The following GSAP variants were observed in gnomAD, a reference collection of about 807,000 sequenced individuals.
The protein encoded by GSAP is gamma-secretase activating protein, also known as gamma-secretase-activating protein.
Under a neutral mutation model 131.7 loss-of-function variants are expected in GSAP, and 118 were observed. That is an observed-to-expected ratio of 0.90 (90% confidence interval 0.77 to 1.04). The LOEUF (loss-of-function observed/expected upper bound fraction) is 1.04, where lower values mean the gene tolerates loss of function less well. Among genes scored for constraint, GSAP ranks in the 50% least tolerant of loss-of-function variants. The probability of loss-of-function intolerance (pLI) is 0.00; values close to 1 mark genes in which losing one functional copy is unlikely to be tolerated. For synonymous variants in GSAP, 381 were observed against 363.4 expected, an observed-to-expected ratio of 1.05 and a Z score of -0.55; for missense variants, 1,019 against 1,013.2, an observed-to-expected ratio of 1.01 and a Z score of -0.08.
Position 77,311,023 on chromosome 7 carries a change from T to A in GSAP, c.*335A>T. 5.1e-6 allele frequency: 1 copy of A among 194,566 alleles called. No homozygotes were observed. Among genetic ancestry groups the A allele is most frequent in the Non-Finnish European group, 1.1e-5 (1 of 94,674 alleles). The allele number at this position is 194,566 out of a possible 1,614,324, so 12.1% of individuals were successfully genotyped here. A position where few individuals can be genotyped will look rare whatever the true frequency, so the allele number is the denominator to read the frequency against. ...CTAGTTTTTGCTTTTCTAAGCACTGTTCCCTACATTTTTAAAGCATATTTT... is the reference window on the plus strand; with the variant it reads ...CTAGTTTTTGCTTTTCTAAGCACTGATCCCTACATTTTTAAAGCATATTTT... On this transcript the variant is annotated 3_prime_UTR_variant, in exon 31 of 31. Coordinates refer to ENST00000257626, the MANE Select transcript of GSAP (RefSeq NM_017439.4).
At chr7:77,376,559 A>AG (rs1796893838) in intron 10 of GSAP, among the ~76,000 whole-genome samples, 1 of 152,076 alleles carries the variant, frequency 6.6e-6, no homozygotes. Context: ...GTGGATCACG[A>AG]GGTAAGGAGA....
chr7:77,413,115 A>G (rs1404830859), intron 1 of GSAP, among the ~76,000 whole-genome samples: 2 of 152,226 alleles, frequency 1.3e-5, no homozygotes, highest in Non-Finnish European at 2.9e-5. Context: ...AGTACCCAGT[A>G]TGTTCATCAG....
intron 19 of GSAP, among the ~76,000 whole-genome samples, chr7:77,335,618 C>T (rs1335798334): frequency 6.6e-6 from 1 of 151,464 alleles, no homozygotes; most frequent in Non-Finnish European, 1.5e-5. Flanking sequence ...ATTTGGATTG[C>T]CAATTGATCC....
chr7:77,403,907 T>A (rs1324992538), intron 3 of GSAP, among the ~76,000 whole-genome samples: 1 of 152,194 alleles, frequency 6.6e-6, no homozygotes, highest in African/African-American at 2.4e-5. Context: ...AAAATAAAGT[T>A]GGTATTCCCA....
chr7:77,373,942 C>T (rs527409470), intron 12 of GSAP, 128 bp downstream of exon 12: 333 of 663,464 alleles, frequency 5.0e-4, no homozygotes, highest in Admixed American at 4.5e-4. Flanking sequence ...ACATGACAAT[C>T]CATATGATCA....
chr7:77,403,689 C>T (rs1255076278), intron 3 of GSAP, among the ~76,000 whole-genome samples: 1 of 152,088 alleles, frequency 6.6e-6, no homozygotes, highest in Non-Finnish European at 1.5e-5. Context: ...CCTGGGAGTA[C>T]ACAAATCTCA....
At chr7:77,397,918 C>G (rs1240601035) in intron 3 of GSAP, among the ~76,000 whole-genome samples, 4 of 152,186 alleles carry the variant, frequency 2.6e-5, no homozygotes, top group Non-Finnish European at 4.4e-5. Context: ...TTCTTAGCCA[C>G]TGTCACAAGT....
chr7:77,399,293 C>A (rs1800933849), intron 3 of GSAP, among the ~76,000 whole-genome samples: 1 of 152,182 alleles, frequency 6.6e-6, no homozygotes, highest in South Asian at 2.1e-4. Context: ...TCAGTATTGG[C>A]TTGATCCAGA....
At chr7:77,377,037 C>T (rs1000691752) in intron 9 of GSAP, 130 bp from the exon 10 acceptor site, 1 of 674,380 alleles carries the variant, frequency 1.5e-6, no homozygotes, top group Non-Finnish European at 2.5e-6. Flanking sequence ...ATAATAATGT[C>T]AAAATCAAAT....
chr7:77,382,601 G>A lies in GSAP; in HGVS notation c.499C>T (p.His167Tyr), dbSNP rs146452566. The change falls in exon 7 of 31, where the codon CAT becomes TAT. Residue 167 changes from histidine to tyrosine, a missense_variant. Transcript: ENST00000257626. ...HIESHPLPEN[H>Y]LLLISEEKYI... is the part of the protein sequence containing the mutation. ...TTCTCTTCTGAAATCAGTAACAGAT[G>A]GTTCTCTGGAAGAGGATGACTTTCA... 8.3e-6 allele frequency: 13 copies of A among 1,571,966 alleles called. No homozygotes were observed. In the East Asian group the frequency reaches 2.2e-4, roughly 27 times the overall value.
intron 10 of GSAP, among the ~76,000 whole-genome samples, chr7:77,375,985 G>T (rs547247055): frequency 1.6e-4 from 25 of 151,650 alleles, no homozygotes; most frequent in African/African-American, 5.8e-4. Context: ...CCTATTTTTA[G>T]AAGTTTTTTT....
chr7:77,377,258 A>AAAAAAAG, intron 9 of GSAP, 28 bp downstream of exon 9: 1 of 1,400,732 alleles, frequency 7.1e-7, no homozygotes, highest in Non-Finnish European at 9.4e-7. Context: ...AAAAAAAAAA[A>AAAAAAAG]GGAGTGCCCG....
intron 19 of GSAP, among the ~76,000 whole-genome samples, chr7:77,340,771 T>C (rs1790793736): frequency 6.6e-6 from 1 of 152,090 alleles, no homozygotes; most frequent in Non-Finnish European, 1.5e-5. Flanking sequence ...GCCTTGGTCA[T>C]TCACCCACAT....
At chr7:77,395,981 GTTA>G (rs1322243215) in intron 5 of GSAP, among the ~76,000 whole-genome samples, 1 of 152,138 alleles carries the variant, frequency 6.6e-6, no homozygotes, top group Non-Finnish European at 1.5e-5. Flanking sequence ...CCCACAGGTG[GTTA>G]TTATTGTCCC....
chr7:77,343,853 G>A lies in GSAP; in HGVS notation c.1545+5498C>T, dbSNP rs952922767. ...TTATAAGCCGCTAGCCCATCTCTTAGAACCTCTCGTTTCCTTTCCACCGTG... is the reference window on the plus strand; with the variant it reads ...TTATAAGCCGCTAGCCCATCTCTTAAAACCTCTCGTTTCCTTTCCACCGTG... On this transcript the variant is annotated intron_variant, in intron 19 of 30. Coordinates refer to ENST00000257626, the MANE Select transcript of GSAP (RefSeq NM_017439.4). Among the ~76,000 whole-genome samples the A allele has an allele frequency of 1.2e-4, 18 of 152,082 alleles. 1 individual carries two copies. Among genetic ancestry groups the A allele is most frequent in the African/African-American group, 4.1e-4 (17 of 41,388 alleles).
At chr7:77,370,244 G>A (rs1795920278) in intron 12 of GSAP, among the ~76,000 whole-genome samples, 2 of 152,134 alleles carry the variant, frequency 1.3e-5, no homozygotes, top group African/African-American at 4.8e-5. Context: ...GATCATCTGA[G>A]GTCAGGAGTT....
intron 26 of GSAP, chr7:77,315,967 A>G (rs1182754298): frequency 6.6e-6 from 1 of 152,210 alleles, no homozygotes; most frequent in Admixed American, 6.5e-5. Flanking sequence ...CATTTTTAAA[A>G]ATGTGACCAG....
chr7:77,390,549 A>C (rs12704927), intron 5 of GSAP, among the ~76,000 whole-genome samples: 67,179 of 151,564 alleles, frequency 0.44, 16,292 homozygotes, highest in Middle Eastern at 0.55. Flanking sequence ...GGAATCCTTT[A>C]CCCATTTCTT....
rs150249633 is a variant in GSAP, at chr7:77,353,007, T to C, written c.1428A>G (p.Val476=). ...TGTCCATGTTACTTGTCTCTGAATA[T>C]ACACTCCAGTATGAAGAAGCTGAGT... The part of the protein sequence containing the change: ...EFIIASSYWS[V]YSETSNMDKL... Residue 476 remains valine (V), a synonymous_variant, in exon 18 of 31, where the codon GTA becomes GTG. Transcript: ENST00000257626. The C allele has an allele frequency of 1.3e-5, 21 of 1,600,592 alleles. No homozygotes were observed. The East Asian group carries it at 4.0e-4, about 31-fold the overall frequency.
Sources: gnomAD v4.1 joint callset for allele counts (sites outside exome capture counted in the v4.1 genomes callset) on GRCh38, gnomAD v4.1.1 for gene constraint, MANE v1.5 for transcripts, NCBI Gene and HGNC (gene_info 2026-07-23, HGNC 2026-07-21) for gene names.